MRPS5: variants seen among roughly 807,000 people sequenced by gnomAD.
The protein encoded by MRPS5 is mitochondrial ribosomal protein S5.
MRPS5 carries 27 observed loss-of-function variants against 51.9 expected under a neutral mutation model. The ratio of observed to expected loss-of-function variants is 0.52; its 90% CI spans 0.38 to 0.72. The LOEUF is 0.72. MRPS5 is among the 30% of genes least tolerant of loss of function. The pLI is 0.00. For synonymous variants in MRPS5, 196 were observed against 193.2 expected, an observed-to-expected ratio of 1.01 and a Z score of -0.12; for missense variants, 570 against 545.7, an observed-to-expected ratio of 1.04 and a Z score of -0.44.
chr2:95,104,416 C>T (rs1675889435), intron 7 of MRPS5: 2 of 558,782 alleles, frequency 3.6e-6, no homozygotes, highest in Non-Finnish European at 3.2e-6. Flanking sequence ...TATAATATTC[C>T]TTTTCCTCAG....
At chr2:95,104,567 C>A in intron 7 of MRPS5, 73 bp downstream of exon 7, 1 of 1,501,868 alleles carries the variant, frequency 6.7e-7, no homozygotes, top group Non-Finnish European at 9.3e-7. Context: ...AGCCCATGGG[C>A]TCCACAGCAT....
At position 95,106,471 on chromosome 2, in the gene MRPS5, A is replaced by G; in HGVS notation, c.638-14T>C. 6.2e-7 allele frequency: 1 copy of G among 1,607,236 alleles called. No individual in the cohort carries two copies. The highest frequency in any genetic ancestry group is 8.5e-7 in the Non-Finnish European group (1 of 1,173,868). ...CCTCATATGTTTCTGTAGGGAGAAA[A>G]GAAACAGGGATACAGATGAAATGTG... On this transcript the variant is annotated splice_polypyrimidine_tract_variant and intron_variant, in intron 5 of 11. Transcript: ENST00000272418.
In MRPS5 at chr2:95,101,662, A is replaced by T. The variant is rs749096435; in HGVS notation, c.810+15T>A. The T allele has an allele frequency of 6.9e-6, 11 of 1,587,778 alleles. No individual in the cohort carries two copies. In the East Asian group the frequency reaches 2.5e-4, roughly 36 times the overall value. Reference sequence around the variant, plus strand: ...TCTTTTACTGAGTGTCAACAAAGAAAAAAAATGTACATACTTTCCTGAAAG... The same window carrying T: ...TCTTTTACTGAGTGTCAACAAAGAATAAAAATGTACATACTTTCCTGAAAG... On this transcript the variant is annotated intron_variant, in intron 8 of 11. Transcript: ENST00000272418.
In MRPS5 at chr2:95,086,859, G is replaced by GC. The variant is rs1312937349; in HGVS notation, c.*497dup. ...CATCAGGGAAATACAAGTCAAAATT[G>GC]CAATGGTATACAATTAATATACCAT... On this transcript the variant is annotated 3_prime_UTR_variant, in exon 12 of 12. Coordinates refer to ENST00000272418, the MANE Select transcript of MRPS5 (RefSeq NM_031902.5). Among the ~76,000 whole-genome samples the GC allele has an allele frequency of 1.3e-5, 2 of 152,106 alleles. No individual in the cohort carries two copies. Among genetic ancestry groups the GC allele is most frequent in the African/African-American group, 4.8e-5 (2 of 41,424 alleles).
At chr2:95,106,512 T>A in intron 5 of MRPS5, 55 bp from the exon 6 acceptor site, 2 of 1,457,116 alleles carry the variant, frequency 1.4e-6, no homozygotes, top group East Asian at 2.3e-5. Context: ...ACAATTAACA[T>A]GAAAGCATTT....
chr2:95,090,618 G>A (rs762358610), intron 10 of MRPS5, 96 bp from the exon 11 acceptor site: 221 of 1,435,288 alleles, frequency 1.5e-4, no homozygotes, highest in Middle Eastern at 1.9e-4. Flanking sequence ...TCTGGGCTTC[G>A]GGAAACTGGT....
At position 95,107,491 on chromosome 2, in the gene MRPS5, T is replaced by G. The variant is rs139903776; in HGVS notation, c.637+684A>C. 3.9e-5 allele frequency among the ~76,000 whole-genome samples: 6 copies of G among 152,294 alleles called. No individual in the cohort carries two copies. In the East Asian group the frequency reaches 1.2e-3, roughly 29 times the overall value. ...GGGACTTGGTTCATGGATTTTGTTC[T>G]CTCCCTTCCATACCTTCATCCTCCT... is the stretch of plus-strand genomic sequence containing the variant. On this transcript the variant is annotated intron_variant, in intron 5 of 11. Coordinates refer to ENST00000272418, the MANE Select transcript of MRPS5 (RefSeq NM_031902.5).
intron 7 of MRPS5, chr2:95,104,364 T>C: frequency 2.3e-6 from 1 of 431,066 alleles, no homozygotes; most frequent in Non-Finnish European, 4.3e-6. Flanking sequence ...TTCTCCCTAA[T>C]TTTCCACTAT....
rs1227565751 is a variant in MRPS5, at chr2:95,121,735, T to G, written c.57A>C (p.Ala19=). The change falls in exon 1 of 12, where the codon GCA becomes GCC. Residue 19 remains alanine, a splice_region_variant and synonymous_variant. Transcript: ENST00000272418. ...TGCTCCCGGCGTCCCAGCTCTCACC[T>G]GCCGTCCCGCTACACAGCACGGGGA... is the stretch of plus-strand genomic sequence containing the variant. ...GCLPVLCSGT[A]GHLLGRQCSL... 21 of 1,545,788 alleles carry G rather than the reference T, an allele frequency of 1.4e-5. No homozygotes were observed. Among genetic ancestry groups the G allele is most frequent in the East Asian group, 2.5e-5 (1 of 40,572 alleles).
chr2:95,121,911 C>T (rs1676469450), upstream of MRPS5: 1 of 1,166,088 alleles, frequency 8.6e-7, no homozygotes, highest in Non-Finnish European at 1.2e-6. Flanking sequence ...GGCCCGAGTC[C>T]ACGCAGCAGC....
At chr2:95,102,936 A>G (rs562230620) in intron 7 of MRPS5, among the ~76,000 whole-genome samples, 8 of 152,370 alleles carry the variant, frequency 5.3e-5, no homozygotes, top group South Asian at 2.1e-4. Context: ...ATACTGCTCT[A>G]TAAGATACAA....
chr2:95,114,319 A>G (rs765975055), intron 3 of MRPS5, among the ~76,000 whole-genome samples: 189 of 149,842 alleles, frequency 1.3e-3, no homozygotes, highest in Non-Finnish European at 2.2e-3. Context: ...GTGCAGTGGC[A>G]CGATCTCAGC....
intron 10 of MRPS5, chr2:95,093,167 A>G (rs1346432182): frequency 6.6e-6 from 1 of 152,334 alleles, no homozygotes; most frequent in African/African-American, 2.4e-5. Flanking sequence ...GGTGTCCGCC[A>G]TTGCTGAGGC....
chr2:95,100,330 C>T (rs567016415), intron 10 of MRPS5, 144 bp downstream of exon 10: 65 of 616,022 alleles, frequency 1.1e-4, no homozygotes, highest in Middle Eastern at 3.2e-4. Context: ...AGAGCCTCAT[C>T]GTTCTTAAAT....
chr2:95,098,752 G>A (rs1483817388), intron 10 of MRPS5, among the ~76,000 whole-genome samples: 1 of 151,880 alleles, frequency 6.6e-6, no homozygotes, highest in African/African-American at 2.4e-5. Flanking sequence ...ACGAGTTAAT[G>A]GGTTCAGCAA....
intron 6 of MRPS5, among the ~76,000 whole-genome samples, chr2:95,105,823 A>C (rs1365284327): frequency 6.6e-6 from 1 of 152,270 alleles, no homozygotes; most frequent in East Asian, 1.9e-4. Flanking sequence ...CAATACATAC[A>C]TTCAGAGGCT....
rs1203223097 is a variant in MRPS5 at position 95,086,379 on chromosome 2, T to C, written c.*978A>G. On this transcript the variant is annotated 3_prime_UTR_variant, in exon 12 of 12. Coordinates refer to ENST00000272418, the MANE Select transcript of MRPS5 (RefSeq NM_031902.5). ...CCAAATGGAAATTTTAACTGAAATA[T>C]ACAATGACAGTCAAAGTTAAAGTAC... Among the ~76,000 whole-genome samples the C allele has an allele frequency of 2.6e-5, 4 of 152,038 alleles. No homozygotes were observed. The highest frequency in any genetic ancestry group is 6.5e-5 in the Admixed American group (1 of 15,276).
At chr2:95,103,383 CA>C (rs1477238189) in intron 7 of MRPS5, among the ~76,000 whole-genome samples, 1 of 152,084 alleles carries the variant, frequency 6.6e-6, no homozygotes, top group Non-Finnish European at 1.5e-5. Context: ...TTAAAAAATG[CA>C]AATCAAAACT....
chr2:95,115,491 G>A (rs944466667), intron 2 of MRPS5, among the ~76,000 whole-genome samples: 1 of 152,158 alleles, frequency 6.6e-6, no homozygotes, highest in Non-Finnish European at 1.5e-5. Flanking sequence ...CGCTAACCTA[G>A]GTCAGCAGTC....
Sources: gnomAD v4.1 joint callset for allele counts (sites outside exome capture counted in the v4.1 genomes callset) on GRCh38, gnomAD v4.1.1 for gene constraint, MANE v1.5 for transcripts, NCBI Gene and HGNC (gene_info 2026-07-23, HGNC 2026-07-21) for gene names.